Variants in IQCN observed in about 807,000 individuals in gnomAD.
IQCN encodes IQ motif containing N, also known as IQ domain-containing protein N.
IQCN carries 46 observed loss-of-function variants against 64.4 expected under a neutral mutation model. The observed-to-expected ratio is 0.71, with a 90% CI of 0.56 to 0.91. The LOEUF (loss-of-function observed/expected upper bound fraction) is 0.91, where lower values mean the gene tolerates loss of function less well. Ranked by LOEUF, IQCN falls within the 40% of genes least tolerant of loss-of-function variation. The probability of loss-of-function intolerance (pLI) is 0.00; values close to 1 mark genes in which losing one functional copy is unlikely to be tolerated. For missense variants in IQCN, 1,753 were observed against 1,857.4 expected, an observed-to-expected ratio of 0.94 and a Z score of 1.03; for synonymous variants, 733 against 775.6, an observed-to-expected ratio of 0.95 and a Z score of 0.91.
rs764532603 is a variant in IQCN at position 18,265,997 on chromosome 19, G to T, written c.1543C>A (p.Leu515Ile). 3.1e-6 allele frequency: 5 copies of T among 1,614,076 alleles called. No homozygotes were observed. In the South Asian group the frequency reaches 5.5e-5, roughly 18 times the overall value. Residue 515 changes from leucine (L) to isoleucine (I), a missense_variant, in exon 3 of 4, where the codon CTC (leucine) becomes ATC (isoleucine). Physicochemically the swap from Leu to Ile is conservative, Grantham distance 5 (BLOSUM62 2). Transcript: ENST00000392413. This position sits in a 1 kb window ranked among gnomAD's most constrained non-coding sequence, Gnocchi z 4.7. ...GGAGAGGCCAGACACAGAGTCTTGA[G>T]GATGGTGGCCACCGAGCGTAACTGG... ...PAQLRSVATI[L>I]KTLCLASPTV...
In IQCN at chr19:18,257,180, C is replaced by T. The variant is rs1969311672; in HGVS notation, c.4104G>A (p.Ter1368=). The stretch of plus-strand genomic sequence containing the variant: ...GTCCCCACTGCAGGGAGCCAGGGTC[C>T]TAGATGCCAGGCCAATGCATGTGCC... ...SSRHMHWPGI[*] Residue 1368 remains the stop codon, a stop_retained_variant, in exon 4 of 4, where the codon TAG becomes TAA. Transcript: ENST00000392413. 1 of 1,612,516 alleles carries T rather than the reference C, an allele frequency of 6.2e-7. No individual in the cohort carries two copies. Among genetic ancestry groups the T allele is most frequent in the Non-Finnish European group, 8.5e-7 (1 of 1,179,958 alleles).
In IQCN at chr19:18,271,236, G is replaced by A. The variant is rs138629181; in HGVS notation, c.-109-1649C>T. 1.1e-3 allele frequency among the ~76,000 whole-genome samples: 170 copies of A among 149,340 alleles called. 1 individual carries two copies. Among genetic ancestry groups the A allele is most frequent in the African/African-American group, 4.1e-3 (165 of 40,292 alleles). On this transcript the variant is annotated intron_variant, in intron 1 of 3. Coordinates refer to ENST00000392413, the MANE Select transcript of IQCN (RefSeq NM_001145304.2). ...TGTAATCCCAGTGCTTTGGGAGGCC[G>A]AGGTGGGTGGCTCACGTGAGGTCAG... is the stretch of plus-strand genomic sequence containing the variant.
chr19:18,263,903 CG>C (rs1969484028), intron 3 of IQCN, among the ~76,000 whole-genome samples: 3 of 152,204 alleles, frequency 2.0e-5, no homozygotes, highest in Admixed American at 2.0e-4. Context: ...TGTGGCAGCT[CG>C]GGGCTGTGCC....
intron 1 of IQCN, among the ~76,000 whole-genome samples, chr19:18,270,465 G>T (rs1421303008): frequency 9.2e-5 from 14 of 151,798 alleles, no homozygotes; most frequent in Admixed American, 3.3e-4. Context: ...TTCCAGACCA[G>T]CCTGGGCAAC....
intron 3 of IQCN, chr19:18,260,594 C>T (rs1969404274): frequency 6.5e-6 from 1 of 152,984 alleles, no homozygotes; most frequent in Non-Finnish European, 1.5e-5. Context: ...CTATAGCTGG[C>T]TCGGCTAGGC....
rs1376822763 is a variant in IQCN at position 18,264,717 on chromosome 19, C to T, written c.2823G>A (p.Leu941=). ...GGGTCAGGCGCAGCTCACTCCAGGA[C>T]AGCGCCTTCACCAGCGCCATGCTCA... is the stretch of plus-strand genomic sequence containing the variant. ...SMLSMALVKA[L]SWSELRLTLS... Residue 941 remains leucine, a synonymous_variant, in exon 3 of 4, where the codon CTG becomes CTA. Coordinates refer to ENST00000392413, the MANE Select transcript of IQCN (RefSeq NM_001145304.2). The surrounding 1 kb of genome is among the most constrained non-coding windows in gnomAD (Gnocchi z 4.3). 4.5e-6 allele frequency: 7 copies of T among 1,551,156 alleles called. No homozygotes were observed. Among genetic ancestry groups the T allele is most frequent in the Non-Finnish European group, 5.2e-6 (6 of 1,146,968 alleles).
At chr19:18,270,880 G>A (rs193283923) in intron 1 of IQCN, among the ~76,000 whole-genome samples, 2 of 150,518 alleles carry the variant, frequency 1.3e-5, no homozygotes, top group Admixed American at 1.3e-4. Flanking sequence ...TAAGATAAAA[G>A]GTAACCTGGG....
chr19:18,259,451 G>C (rs968055816), intron 3 of IQCN: 1 of 152,264 alleles, frequency 6.6e-6, no homozygotes. Flanking sequence ...GCTTCTTTCT[G>C]TCTGCCATCA....
chr19:18,269,647 TCTAAATTCTAAAAAAG>T (rs1405632684), intron 1 of IQCN, 60 bp from the exon 2 acceptor site: 2 of 469,580 alleles, frequency 4.3e-6, no homozygotes, highest in Admixed American at 8.3e-5. Flanking sequence ...TTCTAAAATT[TCTAAATTCTAAAAAAG>T]CTAAATTCTA....
At chr19:18,271,816 T>C (rs1304543480) in intron 1 of IQCN, among the ~76,000 whole-genome samples, 1 of 152,112 alleles carries the variant, frequency 6.6e-6, no homozygotes, top group East Asian at 1.9e-4. Context: ...TATTTATTTA[T>C]GATTTTTGAG....
rs775836909 is a variant in IQCN, at chr19:18,265,004, C to T, written c.2536G>A (p.Val846Ile). 75 of 1,605,110 alleles carry T rather than the reference C, an allele frequency of 4.7e-5. No individual in the cohort carries two copies. In the South Asian group the frequency reaches 5.8e-4, roughly 12 times the overall value. ...MAPTGHSTCN[V>I]ESWGDNGATR... ...GCTCCGTTGTCTCCCCAGGACTCAA[C>T]GTTGCATGTGGAATGGCCGGTGGGT... is the stretch of plus-strand genomic sequence containing the variant. The change falls in exon 3 of 4, where the codon GTT becomes ATT. Residue 846 changes from valine (V) to isoleucine (I), a missense_variant. By Grantham distance (29) the Val-to-Ile change is conservative. Coordinates refer to ENST00000392413, the MANE Select transcript of IQCN (RefSeq NM_001145304.2). The surrounding 1 kb of genome is among the most constrained non-coding windows in gnomAD (Gnocchi z 4.7).
Position 18,265,787 on chromosome 19 carries a change from G to T in IQCN, c.1753C>A (p.Gln585Lys). The change falls in exon 3 of 4, where the codon CAA (glutamine) becomes AAA (lysine). Residue 585 changes from glutamine (Q) to lysine (K), a missense_variant. Physicochemically the swap from Gln to Lys is moderately conservative, Grantham distance 53 (BLOSUM62 1). Transcript: ENST00000392413. The surrounding 1 kb of genome is among the most constrained non-coding windows in gnomAD (Gnocchi z 4.7). ...GGGACCCCAGTTCCCGGATGTGGTT[G>T]AGCCAGGCACCTGATCTTCCCCTCA... ...LAEGKIRCLA[Q>K]PHPGTGVPRA... 1.2e-6 allele frequency: 2 copies of T among 1,614,196 alleles called. No homozygotes were observed. Among genetic ancestry groups the T allele is most frequent in the East Asian group, 4.5e-5 (2 of 44,892 alleles).
Position 18,267,270 on chromosome 19 carries a change from G to A in IQCN, c.270C>T (p.Ala90=). 6.2e-7 allele frequency: 1 copy of A among 1,614,282 alleles called. No individual in the cohort carries two copies. The change falls in exon 3 of 4, where the codon GCC becomes GCT. Residue 90 remains alanine (A), a synonymous_variant. Transcript: ENST00000392413. ...PRLRAVVESQ[A]FKNILVDEMD... is the part of the protein sequence containing the mutation. ...TCTCGTCTACCAGGATGTTCTTGAA[G>A]GCCTGGCTCTCGACCACAGCCCGGA...
In IQCN at chr19:18,265,914, G is replaced by A. The variant is rs978588985; in HGVS notation, c.1626C>T (p.Asn542=). 2 of 1,614,246 alleles carry A rather than the reference G, an allele frequency of 1.2e-6. No homozygotes were observed. The highest frequency in any genetic ancestry group is 1.1e-5 in the South Asian group (1 of 91,092). The change falls in exon 3 of 4, where the codon AAC becomes AAT. Residue 542 remains asparagine, a synonymous_variant. Transcript: ENST00000392413. The surrounding 1 kb of genome is among the most constrained non-coding windows in gnomAD (Gnocchi z 4.7). ...GGTTCTCATGGATGGAGCCTGAGGT[G>A]TTGGGAGTTCCGGCTGCTACCGCCA... ...PQVAVAAGTP[N]TSGSIHENPP...
At chr19:18,273,297 G>A (rs1384471474) in intron 1 of IQCN, among the ~76,000 whole-genome samples, 1 of 152,068 alleles carries the variant, frequency 6.6e-6, no homozygotes, top group Non-Finnish European at 1.5e-5. Flanking sequence ...CTCCCAAAGT[G>A]CTGGGATTAC....
At chr19:18,267,570 A>T in intron 2 of IQCN, 44 bp from the exon 3 acceptor site, 1 of 1,490,500 alleles carries the variant, frequency 6.7e-7, no homozygotes, top group Non-Finnish European at 8.9e-7. Flanking sequence ...CAGGTCCTGC[A>T]AACAAGAGGT....
intron 3 of IQCN, among the ~76,000 whole-genome samples, chr19:18,262,961 C>T (rs905910950): frequency 6.6e-6 from 1 of 152,186 alleles, no homozygotes; most frequent in Non-Finnish European, 1.5e-5. Flanking sequence ...CTAAGGAGAA[C>T]TTGTGGATCT....
rs767284997 is a variant in IQCN, at chr19:18,264,412, G to A, written c.3128C>T (p.Ser1043Leu). ...LVKVACRRSPSAAWGPSLGPV... is the reference protein window; with the variant it reads ...LVKVACRRSPLAAWGPSLGPV... ...GCCCAGGGAGGGCCCCCATGCGGCC[G>A]ATGGACTCCTCCTGCAGGCCACCTT... Residue 1043 changes from serine (S) to leucine (L), a missense_variant, in exon 3 of 4, where the codon TCG becomes TTG. Coordinates refer to ENST00000392413, the MANE Select transcript of IQCN (RefSeq NM_001145304.2). The surrounding 1 kb of genome is among the most constrained non-coding windows in gnomAD (Gnocchi z 4.3). 49 of 1,539,926 alleles carry A rather than the reference G, an allele frequency of 3.2e-5. No individual in the cohort carries two copies. The highest frequency in any genetic ancestry group is 3.0e-4 in the African/African-American group (22 of 72,896).
At position 18,267,372 on chromosome 19, in the gene IQCN, G is replaced by C. The variant is rs767132887; in HGVS notation, c.168C>G (p.His56Gln). Residue 56 changes from histidine (H) to glutamine (Q), a missense_variant, in exon 3 of 4, where the codon CAC (histidine) becomes CAG (glutamine). His to Gln is a conservative substitution (Grantham distance 24, BLOSUM62 0). Transcript: ENST00000392413. Reference sequence around the variant, plus strand: ...GATGCTCCTTGGACTTGAGGCCCTCGTGCTGGGGCTGTGGAGGCGCTTTCT... The same window carrying C: ...GATGCTCCTTGGACTTGAGGCCCTCCTGCTGGGGCTGTGGAGGCGCTTTCT... The part of the protein sequence containing the change: ...KMEKAPPQPQ[H>Q]EGLKSKEHLP... 11 of 1,611,306 alleles carry C rather than the reference G, an allele frequency of 6.8e-6. No homozygotes were observed. The East Asian group carries it at 2.5e-4, about 36-fold the overall frequency.
Sources: allele counts gnomAD v4.1 joint callset (sites outside exome capture counted in the v4.1 genomes callset), GRCh38; gene constraint gnomAD v4.1.1; non-coding constraint Gnocchi (gnomAD v3.1); transcripts MANE v1.5; gene names NCBI Gene and HGNC (gene_info 2026-07-23, HGNC 2026-07-21).